The following ARL10 variants were observed in gnomAD, a reference collection of about 807,000 sequenced individuals.
ARL10 encodes ADP-ribosylation factor-like protein 10.
In ARL10, 23 loss-of-function variants were observed where a neutral mutation model predicts 26.1. The ratio of observed to expected loss-of-function variants is 0.88; its 90% confidence interval spans 0.63 to 1.25. The LOEUF (loss-of-function observed/expected upper bound fraction) is 1.25, where lower values mean the gene tolerates loss of function less well. Among genes scored for constraint, ARL10 ranks in the 50% most tolerant of loss-of-function variants. The pLI, the probability that ARL10 is intolerant of heterozygous loss-of-function variation, is 0.00. For synonymous variants in ARL10, 138 were observed against 149.1 expected (o/e 0.93, Z 0.54); for missense variants, 300 against 323.6 (o/e 0.93, Z 0.56).
intron 1 of ARL10, among the ~76,000 whole-genome samples, chr5:176,401,103 C>T (rs1224234321): frequency 6.6e-6 from 1 of 152,154 alleles, no homozygotes; most frequent in Non-Finnish European, 1.5e-5. Flanking sequence ...CCCAGTGGGC[C>T]CTTCTGGGGC....
chr5:176,383,874 G>A, downstream of ARL10: 1 of 1,160,738 alleles, frequency 8.6e-7, no homozygotes, highest in South Asian at 1.6e-5. Flanking sequence ...CTCAGCCCCG[G>A]TAGAGGTGGT....
chr5:176,372,105 T>C lies in ARL10; in HGVS notation c.*210T>C. On this transcript the variant is annotated 3_prime_UTR_variant, in exon 4 of 4. Transcript: ENST00000310389. ...CGTGAAGCCGAAGCAGGGAGGTGGG[T>C]GAGACAGAGGGTGGGGAGGATAGTG... 1 of 1,415,080 alleles carries C rather than the reference T, an allele frequency of 7.1e-7. No homozygotes were observed. The highest frequency in any genetic ancestry group is 9.2e-7 in the Non-Finnish European group (1 of 1,085,880). The allele number at this position is 1,415,080 out of a possible 1,614,324, so 87.7% of individuals were successfully genotyped here.
chr5:176,367,319 T>G lies in ARL10; in HGVS notation c.385+738T>G, dbSNP rs188416395. On this transcript the variant is annotated intron_variant, in intron 2 of 3. Coordinates refer to ENST00000310389, the MANE Select transcript of ARL10 (RefSeq NM_173664.6). ...CCATCGCACCCCACCATTCTAGTTT[T>G]TTTTTTTTGGAGACAGGGTCTCTGT... 1.4e-3 allele frequency among the ~76,000 whole-genome samples: 214 copies of G among 152,242 alleles called. 2 individuals are homozygous for G. Among genetic ancestry groups the G allele is most frequent in the Non-Finnish European group, 1.9e-3 (130 of 67,998 alleles).
At chr5:176,393,554 C>T (rs908890564), downstream of ARL10, among the ~76,000 whole-genome samples, 2 of 152,168 alleles carry the variant, frequency 1.3e-5, no homozygotes, top group African/African-American at 4.8e-5. This position sits in a 1 kb window ranked among gnomAD's most constrained non-coding sequence, Gnocchi z 4.4. Context: ...TGCGTCGTGA[C>T]CCTCCAAGGT....
Position 176,373,963 on chromosome 5 carries a change from G to A in ARL10, c.*2068G>A, listed in dbSNP as rs577833280. On this transcript the variant is annotated 3_prime_UTR_variant, in exon 4 of 4. Transcript: ENST00000310389. Reference sequence around the variant, plus strand: ...TGGTTAGTACTTAGCACCAAAAGCAGTTCAGAATGCTCAGCCCCACAATGT... The same window carrying A: ...TGGTTAGTACTTAGCACCAAAAGCAATTCAGAATGCTCAGCCCCACAATGT... 6.6e-6 allele frequency: 1 copy of A among 152,358 alleles called. No homozygotes were observed. The highest frequency in any genetic ancestry group is 2.1e-4 in the South Asian group (1 of 4,828). 9.4% of individuals were successfully genotyped at this position (152,358 alleles called of 1,614,324 possible). A position where few individuals can be genotyped will look rare whatever the true frequency, so the allele number is the denominator to read the frequency against.
At chr5:176,384,707 C>T (rs1037875847), downstream of ARL10, 8 of 394,508 alleles carry the variant, frequency 2.0e-5, no homozygotes, top group African/African-American at 1.6e-4. Context: ...GAGGATGAGG[C>T]TGCGGTGAGC....
chr5:176,388,110 TG>T, intron 1 of ARL10: 2 of 678,266 alleles, frequency 2.9e-6, no homozygotes, highest in Non-Finnish European at 5.1e-6. Flanking sequence ...GTTCTGACTG[TG>T]GGGAGGTCGA....
At chr5:176,396,532 C>A in intron 1 of ARL10, 1 of 1,612,982 alleles carries the variant, frequency 6.2e-7, no homozygotes, top group Non-Finnish European at 8.5e-7. Context: ...TGTCAGCGAT[C>A]CTTGAGGGAA....
At chr5:176,388,160 A>G in intron 1 of ARL10, 1 of 1,123,592 alleles carries the variant, frequency 8.9e-7, no homozygotes, top group South Asian at 1.3e-5. Context: ...GGGCAGTACC[A>G]CGTTCTGACA....
downstream of ARL10, chr5:176,385,913 G>GA (rs1755809151): frequency 1.3e-5 from 2 of 152,694 alleles, no homozygotes; most frequent in African/African-American, 4.8e-5. Context: ...CATCTAGAAA[G>GA]AGAGAGAAAG....
intron 1 of ARL10, among the ~76,000 whole-genome samples, chr5:176,395,084 C>CCCATCCCCA (rs369801294): frequency 4.1e-4 from 62 of 151,932 alleles, no homozygotes; most frequent in South Asian, 8.3e-4. Flanking sequence ...TCAGCTCCCA[C>CCCATCCCCA]CCATCCCCAC....
downstream of ARL10, chr5:176,388,658 C>G (rs1322883980): frequency 2.5e-5 from 34 of 1,342,442 alleles, no homozygotes; most frequent in Non-Finnish European, 3.5e-5. Context: ...AAATGTAGTC[C>G]TTTTGTAGCA....
chr5:176,397,323 TAGCCCCTCTCATGTCCCCAC>T (rs1561792320), intron 1 of ARL10, among the ~76,000 whole-genome samples: 18 of 116,320 alleles, frequency 1.5e-4, no homozygotes, highest in Non-Finnish European at 1.8e-4. Flanking sequence ...CATGTCCCCA[TAGCCCCTCTCATGTCCCCAC>T]AGCCCCTCTC....
downstream of ARL10, chr5:176,384,641 C>T (rs532576529): frequency 1.5e-3 from 733 of 491,100 alleles, 15 homozygotes; most frequent in South Asian, 0.02. Context: ...ATAAATTAAC[C>T]ATCCTGTGGT....
the ARL10 span, among the ~76,000 whole-genome samples, chr5:176,414,348 T>C: frequency 1.3e-5 from 2 of 152,114 alleles, no homozygotes; most frequent in Admixed American, 6.5e-5. Context: ...AAGCCCTCCA[T>C]TGCTGTCTCA....
downstream of ARL10, chr5:176,406,395 A>G (rs1757122138): frequency 2.6e-6 from 3 of 1,151,752 alleles, no homozygotes. Context: ...ACCTCTGTGG[A>G]CCCACACCAG....
chr5:176,389,216 C>T, downstream of ARL10: 6 of 1,307,052 alleles, frequency 4.6e-6, no homozygotes, highest in South Asian at 1.4e-5. Context: ...CTACCCTCGC[C>T]GCCCTCCCTC....
In ARL10 at chr5:176,397,471, C is replaced by G. The variant is rs1363106698; in HGVS notation, c.134-4270C>G. ...GCCCGTCTCATGTCCCCACGGCCCC[C>G]TCATGTCCCCACAGCTCCCTCATGT... On this transcript the variant is annotated intron_variant, in intron 1 of 1. Coordinates refer to the ARL10 transcript ENST00000514533. 4.7e-6 allele frequency: 3 copies of G among 641,136 alleles called. No individual in the cohort carries two copies. The Admixed American group carries it at 7.2e-5, about 15-fold the overall frequency. The allele number at this position is 641,136 out of a possible 1,614,324, so 39.7% of individuals were successfully genotyped here.
chr5:176,386,939 A>T (rs368694681), intron 1 of ARL10: 29 of 1,600,644 alleles, frequency 1.8e-5, no homozygotes, highest in Non-Finnish European at 2.5e-5. Context: ...TGAGACCAGA[A>T]GGATCTTTGA....
Sources: allele counts gnomAD v4.1 joint callset (sites outside exome capture counted in the v4.1 genomes callset), GRCh38; gene constraint gnomAD v4.1.1; non-coding constraint Gnocchi (gnomAD v3.1); transcripts MANE v1.5; gene names NCBI Gene and HGNC (gene_info 2026-07-23, HGNC 2026-07-21).